Variants in UGGT2 observed in about 807,000 individuals in gnomAD.
UGGT2 encodes the protein UDP-glucose:glycoprotein glucosyltransferase 2.
UGGT2 carries 180 observed loss-of-function variants against 192.1 expected under a neutral mutation model. That is an observed-to-expected ratio of 0.94 (90% CI 0.83 to 1.06). UGGT2 has a LOEUF of 1.06. UGGT2 is among the 50% of genes least tolerant of loss of function. The pLI is 0.00. For synonymous variants in UGGT2, 580 were observed against 591.0 expected (o/e 0.98, Z 0.27); for missense variants, 1,849 against 1,795.7 (o/e 1.03, Z -0.54).
At chr13:95,949,771 A>G (rs2049998782) in intron 12 of UGGT2, among the ~76,000 whole-genome samples, 1 of 152,188 alleles carries the variant, frequency 6.6e-6, no homozygotes, top group Admixed American at 6.5e-5. Context: ...TATTTATTTT[A>G]ATTATCAGCA....
chr13:95,859,521 A>C (rs1208058245), intron 33 of UGGT2, 70 bp downstream of exon 33: 1 of 1,227,782 alleles, frequency 8.1e-7, no homozygotes, highest in Non-Finnish European at 1.2e-6. Context: ...AATATCATAT[A>C]AACTTACAAT....
At chr13:95,888,392 T>C (rs745639655) in intron 25 of UGGT2, among the ~76,000 whole-genome samples, 76 of 152,316 alleles carry the variant, frequency 5.0e-4, no homozygotes, top group Non-Finnish European at 9.0e-4. Flanking sequence ...TACCTACGAA[T>C]AAATACTTTC....
intron 1 of UGGT2, among the ~76,000 whole-genome samples, chr13:96,047,156 C>G (rs2053339447): frequency 6.6e-6 from 1 of 152,218 alleles, no homozygotes; most frequent in African/African-American, 2.4e-5. Flanking sequence ...GATCTGAGAA[C>G]AGACAGACTG....
At chr13:95,897,708 C>T (rs928656392) in intron 22 of UGGT2, among the ~76,000 whole-genome samples, 3 of 152,118 alleles carry the variant, frequency 2.0e-5, no homozygotes, top group African/African-American at 7.2e-5. Flanking sequence ...ATTACATTAT[C>T]GCTCATAAAC....
At chr13:95,940,155 T>C (rs2049618223) in intron 15 of UGGT2, 64 bp from the exon 16 acceptor site, 1 of 1,248,648 alleles carries the variant, frequency 8.0e-7, no homozygotes. Flanking sequence ...TTTTTTTTCC[T>C]TAGCATGCAG....
chr13:95,979,090 T>C (rs559850723), intron 10 of UGGT2, among the ~76,000 whole-genome samples: 1 of 152,320 alleles, frequency 6.6e-6, no homozygotes, highest in South Asian at 2.1e-4. Context: ...CACCTGATCA[T>C]ATCCTCATTT....
intron 7 of UGGT2, chr13:95,990,618 A>T (rs2140898497): frequency 6.6e-6 from 1 of 152,334 alleles, no homozygotes; most frequent in Admixed American, 6.5e-5. Context: ...TCTAAACTGT[A>T]ATCTTCTTTC....
chr13:95,843,859 A>C (rs1263270074), intron 36 of UGGT2, among the ~76,000 whole-genome samples: 1 of 152,146 alleles, frequency 6.6e-6, no homozygotes, highest in African/African-American at 2.4e-5. Flanking sequence ...AACTATTTTG[A>C]CTACAGTAGC....
rs1352013590 is a variant in UGGT2 at position 95,856,338 on chromosome 13, TTCCTA to T, written c.3826-3_3827del. Reference sequence around the variant, plus strand: ...ACTCTTTAGCCATGTGAGGAATTACTTCCTAAAAACACACACACAAAATCAAACAA... The same window carrying T: ...ACTCTTTAGCCATGTGAGGAATTACTAAAACACACACACAAAATCAAACAA... On this transcript the variant is annotated splice_acceptor_variant and splice_polypyrimidine_tract_variant and coding_sequence_variant and intron_variant, in exon 34 of 39. Transcript: ENST00000376747. LOFTEE classifies it high-confidence loss of function. The T allele has an allele frequency of 6.2e-7, 1 of 1,600,336 alleles. No homozygotes were observed. The highest frequency in any genetic ancestry group is 2.2e-5 in the East Asian group (1 of 44,678).
intron 15 of UGGT2, 76 bp from the exon 16 acceptor site, chr13:95,940,167 T>C (rs2049619265): frequency 8.7e-7 from 1 of 1,155,110 alleles, no homozygotes; most frequent in African/African-American, 1.6e-5. Flanking sequence ...AGCATGCAGA[T>C]AGATTTTTAT....
At chr13:95,960,517 CA>C (rs2050355353) in intron 12 of UGGT2, among the ~76,000 whole-genome samples, 1 of 151,594 alleles carries the variant, frequency 6.6e-6, no homozygotes, top group Non-Finnish European at 1.5e-5. Flanking sequence ...AAAATACATA[CA>C]AAAAAGAATA....
chr13:96,031,728 C>A (rs2052841581), intron 2 of UGGT2, among the ~76,000 whole-genome samples, 161 bp downstream of exon 2: 2 of 152,106 alleles, frequency 1.3e-5, no homozygotes, highest in South Asian at 4.1e-4. Context: ...GAAACAGATG[C>A]TTAGAATGGT....
At chr13:96,005,996 C>A (rs1448404064) in intron 5 of UGGT2, among the ~76,000 whole-genome samples, 1 of 152,136 alleles carries the variant, frequency 6.6e-6, no homozygotes, top group African/African-American at 2.4e-5. Flanking sequence ...GGTCAAGGCT[C>A]CTACACAAAA....
rs1238858876 is a variant in UGGT2 at position 96,023,627 on chromosome 13, A to G, written c.372+2T>C. ...AAATACAGATTGGGTATTTTTACGCACCTGCTGAAACATCTGAATAGCTGG... is the reference window on the plus strand; with the variant it reads ...AAATACAGATTGGGTATTTTTACGCGCCTGCTGAAACATCTGAATAGCTGG... On this transcript the variant is annotated splice_donor_variant, in intron 3 of 38. Transcript: ENST00000376747. LOFTEE classifies it high-confidence loss of function. 1 of 1,603,928 alleles carries G rather than the reference A, an allele frequency of 6.2e-7. No homozygotes were observed.
chr13:95,933,501 G>A (rs1005329564), intron 17 of UGGT2, among the ~76,000 whole-genome samples: 1 of 152,072 alleles, frequency 6.6e-6, no homozygotes, highest in African/African-American at 2.4e-5. Context: ...CTTTCCAAGA[G>A]CTAACTTTTG....
chr13:95,933,966 G>A (rs1258727866), intron 17 of UGGT2, among the ~76,000 whole-genome samples: 1 of 152,194 alleles, frequency 6.6e-6, no homozygotes, highest in Non-Finnish European at 1.5e-5. Context: ...TTACAGGCGT[G>A]AGCCACCGCG....
intron 20 of UGGT2, among the ~76,000 whole-genome samples, chr13:95,918,910 T>A (rs574795337): frequency 4.6e-5 from 7 of 152,044 alleles, no homozygotes; most frequent in Admixed American, 3.9e-4. Flanking sequence ...CTGGCAGAAA[T>A]ACAACAAAAA....
At chr13:95,855,292 G>T (rs3125436) in intron 34 of UGGT2, among the ~76,000 whole-genome samples, 4 of 151,528 alleles carry the variant, frequency 2.6e-5, no homozygotes, top group African/African-American at 7.3e-5. Flanking sequence ...TCTCTTAAAA[G>T]AAATTGAAAT....
At chr13:95,903,733 G>C (rs987246983) in intron 20 of UGGT2, among the ~76,000 whole-genome samples, 1 of 152,068 alleles carries the variant, frequency 6.6e-6, no homozygotes. Flanking sequence ...GGACATCTGA[G>C]TTTCTTCCAG....
Sources: allele counts gnomAD v4.1 joint callset (sites outside exome capture counted in the v4.1 genomes callset), GRCh38; gene constraint gnomAD v4.1.1; transcripts MANE v1.5; gene names NCBI Gene and HGNC (gene_info 2026-07-23, HGNC 2026-07-21).